CSMD1: variants seen among roughly 807,000 people sequenced by gnomAD.
CSMD1 encodes the protein CUB and sushi domain-containing protein 1.
In CSMD1, 213 loss-of-function variants were observed where a neutral mutation model predicts 417.5. The ratio of observed to expected loss-of-function variants is 0.51; its 90% confidence interval spans 0.46 to 0.57. The LOEUF is 0.57. CSMD1 is among the 20% of genes least tolerant of loss of function. CSMD1 has a pLI of 0.00. For missense variants in CSMD1, 6,923 were observed against 4,529.7 expected, an observed-to-expected ratio of 1.53 and a Z score of -15.17; for synonymous variants, 2,862 against 1,736.8, an observed-to-expected ratio of 1.65 and a Z score of -16.11.
chr8:3,170,216 AT>A (rs1003206097), intron 37 of CSMD1, among the ~76,000 whole-genome samples: 1 of 151,036 alleles, frequency 6.6e-6, no homozygotes, highest in Non-Finnish European at 1.5e-5. Flanking sequence ...ATTGTATTTT[AT>A]TTTTTTTTGA....
chr8:4,173,937 C>T (rs1365508503), intron 3 of CSMD1, among the ~76,000 whole-genome samples: 3 of 152,132 alleles, frequency 2.0e-5, no homozygotes, highest in Admixed American at 6.5e-5. Flanking sequence ...TAGCTTCTTC[C>T]CTCAGCCTTG....
chr8:3,284,440 C>G (rs533074792), intron 25 of CSMD1, 94 bp from the exon 26 acceptor site: 30 of 843,994 alleles, frequency 3.6e-5, no homozygotes, highest in Non-Finnish European at 5.2e-5. Flanking sequence ...CGCTTTCACA[C>G]AACCCCCACC....
At chr8:3,282,600 G>C (rs557861541) in intron 26 of CSMD1, among the ~76,000 whole-genome samples, 11 of 152,120 alleles carry the variant, frequency 7.2e-5, no homozygotes, top group Admixed American at 2.0e-4. Context: ...TTCCCCCAAG[G>C]CAGGATAGTT....
chr8:4,528,810 A>G (rs1796651073), intron 2 of CSMD1, among the ~76,000 whole-genome samples: 1 of 151,826 alleles, frequency 6.6e-6, no homozygotes, highest in African/African-American at 2.4e-5. Context: ...TCTCTCATAC[A>G]CACACACACA....
At chr8:3,301,682 C>T (rs1004107774) in intron 25 of CSMD1, among the ~76,000 whole-genome samples, 2 of 152,130 alleles carry the variant, frequency 1.3e-5, no homozygotes, top group Admixed American at 6.6e-5. Flanking sequence ...TATCCATGAG[C>T]AGCCAAAGAT....
At chr8:3,160,837 G>C (rs899722417) in intron 38 of CSMD1, among the ~76,000 whole-genome samples, 4 of 152,172 alleles carry the variant, frequency 2.6e-5, no homozygotes, top group African/African-American at 9.7e-5. Context: ...AAAGCACTTG[G>C]TAATGCACCC....
intron 10 of CSMD1, among the ~76,000 whole-genome samples, chr8:3,517,319 G>A (rs1052565411): frequency 3.3e-5 from 5 of 152,170 alleles, no homozygotes; most frequent in African/African-American, 1.2e-4. Context: ...GCAGAGAACA[G>A]GCAATCCAAG....
At chr8:3,196,204 T>G (rs1272760586) in intron 33 of CSMD1, among the ~76,000 whole-genome samples, 3 of 152,138 alleles carry the variant, frequency 2.0e-5, no homozygotes, top group Non-Finnish European at 4.4e-5. Flanking sequence ...CGATGACAGT[T>G]TACAAATGCC....
chr8:4,795,061 T>A (rs1482810887), intron 1 of CSMD1, among the ~76,000 whole-genome samples: 1 of 151,956 alleles, frequency 6.6e-6, no homozygotes, highest in South Asian at 2.1e-4. Flanking sequence ...AAGTTTCTGC[T>A]GTCTTTAATA....
At chr8:4,712,879 C>G (rs1808399973) in intron 1 of CSMD1, among the ~76,000 whole-genome samples, 1 of 151,986 alleles carries the variant, frequency 6.6e-6, no homozygotes, top group Non-Finnish European at 1.5e-5. Flanking sequence ...ACATCCATGC[C>G]GATGGATGGA....
intron 5 of CSMD1, among the ~76,000 whole-genome samples, chr8:3,861,589 G>C (rs117259232): frequency 0.01 from 1,526 of 152,284 alleles, 10 homozygotes; most frequent in Middle Eastern, 0.024. Context: ...TGGTATGTGG[G>C]TTTCTGAGCT....
At chr8:4,175,974 C>T (rs1022301973) in intron 3 of CSMD1, among the ~76,000 whole-genome samples, 49 of 152,230 alleles carry the variant, frequency 3.2e-4, no homozygotes, top group African/African-American at 1.1e-3. Context: ...GGGCTTCTCT[C>T]ATTGTATTCT....
At chr8:4,911,914 T>C (rs1428027350) in intron 1 of CSMD1, among the ~76,000 whole-genome samples, 1 of 152,020 alleles carries the variant, frequency 6.6e-6, no homozygotes, top group Non-Finnish European at 1.5e-5. Flanking sequence ...GACAGGTATT[T>C]TGTGGCAACA....
At chr8:3,739,832 C>T (rs781013560) in intron 6 of CSMD1, among the ~76,000 whole-genome samples, 2 of 152,098 alleles carry the variant, frequency 1.3e-5, no homozygotes, top group Non-Finnish European at 2.9e-5. Flanking sequence ...AGAATGCAGA[C>T]ATTTTACATT....
intron 1 of CSMD1, among the ~76,000 whole-genome samples, chr8:4,654,009 T>C (rs771678033): frequency 6.6e-6 from 1 of 152,144 alleles, no homozygotes; most frequent in Non-Finnish European, 1.5e-5. Context: ...TAAAGGTTGG[T>C]TGTAAACCTG....
chr8:4,466,841 A>T (rs1800202491), intron 2 of CSMD1, among the ~76,000 whole-genome samples: 2 of 152,170 alleles, frequency 1.3e-5, no homozygotes, highest in South Asian at 4.1e-4. Context: ...AGAGCAGGGG[A>T]AACATTATTC....
chr8:4,043,396 T>C (rs1349553012), intron 3 of CSMD1, among the ~76,000 whole-genome samples: 2 of 151,938 alleles, frequency 1.3e-5, no homozygotes, highest in African/African-American at 2.4e-5. Context: ...CCAATAAACA[T>C]AGGAAGCGTA....
intron 3 of CSMD1, among the ~76,000 whole-genome samples, chr8:4,215,828 A>T (rs1800635442): frequency 6.6e-6 from 1 of 152,204 alleles, no homozygotes; most frequent in Admixed American, 6.5e-5. Context: ...CAAAGAACAC[A>T]GTGCATGGAA....
At chr8:3,923,547 G>A (rs561454772) in intron 5 of CSMD1, among the ~76,000 whole-genome samples, 4 of 152,162 alleles carry the variant, frequency 2.6e-5, no homozygotes, top group East Asian at 3.9e-4. Flanking sequence ...ACACAGAACA[G>A]GATACACTGT....
Sources: gnomAD v4.1 joint callset for allele counts (sites outside exome capture counted in the v4.1 genomes callset) on GRCh38, gnomAD v4.1.1 for gene constraint, MANE v1.5 for transcripts, NCBI Gene and HGNC (gene_info 2026-07-23, HGNC 2026-07-21) for gene names.